The following MACROD1 variants were observed in gnomAD, a reference collection of about 807,000 sequenced individuals.
MACROD1 encodes ADP-ribose glycohydrolase MACROD1.
A neutral mutation model predicts 41.4 loss-of-function variants in MACROD1; 31 were observed. The ratio of observed to expected loss-of-function variants is 0.75; its 90% confidence interval spans 0.56 to 1.01. The LOEUF (loss-of-function observed/expected upper bound fraction) is 1.01. Ranked by LOEUF, MACROD1 falls within the 50% of genes least tolerant of loss-of-function variation. The pLI, the probability that MACROD1 is intolerant of heterozygous loss-of-function variation, is 0.00. For synonymous variants in MACROD1, 252 were observed against 203.4 expected (o/e 1.24, Z -2.03); for missense variants, 473 against 460.0 (o/e 1.03, Z -0.26).
chr11:64,108,712 G>T (rs538127470), intron 3 of MACROD1, among the ~76,000 whole-genome samples: 57 of 152,332 alleles, frequency 3.7e-4, no homozygotes, highest in African/African-American at 1.4e-3. Context: ...TGCCTGCACG[G>T]CATTCTCAGT....
At chr11:64,016,781 G>T (rs1943087577) in intron 3 of MACROD1, among the ~76,000 whole-genome samples, 2 of 152,220 alleles carry the variant, frequency 1.3e-5, no homozygotes, top group African/African-American at 4.8e-5. Context: ...GGGAAGTGAG[G>T]GGGAGGTGAG....
At chr11:64,118,289 A>G (rs1945034132) in intron 3 of MACROD1, 2 of 1,557,082 alleles carry the variant, frequency 1.3e-6, no homozygotes, top group Admixed American at 1.8e-5. Flanking sequence ...ACTCCTACAC[A>G]TGATGCCCGC....
Position 64,096,327 on chromosome 11 carries a change from G to T in MACROD1, c.517+54912C>A, listed in dbSNP as rs1944575561. ...GGTTCATCACCCCGAGCTTCCTCTA[G>T]GCTGGACACGGTCCCTAATGGGCAC... On this transcript the variant is annotated intron_variant, in intron 3 of 10. Transcript: ENST00000255681. The surrounding 1 kb of genome is among the most constrained non-coding windows in gnomAD (Gnocchi z 4.6). 6.6e-6 allele frequency among the ~76,000 whole-genome samples: 1 copy of T among 152,220 alleles called. No individual in the cohort carries two copies. Among genetic ancestry groups the T allele is most frequent in the Admixed American group, 6.5e-5 (1 of 15,290 alleles).
intron 3 of MACROD1, among the ~76,000 whole-genome samples, chr11:64,150,748 G>A (rs1389343711): frequency 6.6e-6 from 1 of 152,218 alleles, no homozygotes; most frequent in Non-Finnish European, 1.5e-5. Context: ...CAAGAGGCGA[G>A]CGCAGGAAGC....
chr11:64,010,704 CTGGCATGTTGGT>C (rs1419139269), intron 4 of MACROD1, among the ~76,000 whole-genome samples: 1 of 121,004 alleles, frequency 8.3e-6, no homozygotes, highest in African/African-American at 3.2e-5. Flanking sequence ...GGCATGTTGG[CTGGCATGTTGGT>C]TGGGGTGTTG....
chr11:64,160,713 G>A (rs1945740750), intron 1 of MACROD1, among the ~76,000 whole-genome samples: 1 of 151,992 alleles, frequency 6.6e-6, no homozygotes, highest in Non-Finnish European at 1.5e-5. Context: ...CTACTCAGGA[G>A]GCTGAGGTGG....
intron 3 of MACROD1, among the ~76,000 whole-genome samples, chr11:64,055,368 G>T (rs1943765596): frequency 6.6e-6 from 1 of 152,236 alleles, no homozygotes; most frequent in Admixed American, 6.5e-5. Context: ...TTCTGGGTGG[G>T]TGGAGTTGCC....
chr11:64,072,423 T>A (rs940629346), intron 3 of MACROD1, among the ~76,000 whole-genome samples: 6 of 146,538 alleles, frequency 4.1e-5, no homozygotes, highest in Non-Finnish European at 9.0e-5. Context: ...CCGGCTCATT[T>A]AAAAAAAAAA....
chr11:64,042,114 CGGGAGGGG>C (rs1565205982), intron 3 of MACROD1, among the ~76,000 whole-genome samples: 2 of 152,130 alleles, frequency 1.3e-5, no homozygotes, highest in African/African-American at 2.4e-5. Context: ...TGGGACCAGG[CGGGAGGGG>C]GAGACAGATG....
At chr11:64,101,609 C>T (rs1411809240) in intron 3 of MACROD1, among the ~76,000 whole-genome samples, 2 of 152,178 alleles carry the variant, frequency 1.3e-5, no homozygotes, top group Non-Finnish European at 1.5e-5. Context: ...TTCCATCTCT[C>T]GCTTTCATGG....
At chr11:64,159,091 G>A (rs1945712647) in intron 1 of MACROD1, among the ~76,000 whole-genome samples, 1 of 152,106 alleles carries the variant, frequency 6.6e-6, no homozygotes, top group Non-Finnish European at 1.5e-5. Flanking sequence ...GGAGGCTGAG[G>A]CAGGTGGATC....
At chr11:64,028,920 G>C (rs182218274) in intron 3 of MACROD1, among the ~76,000 whole-genome samples, 1 of 152,258 alleles carries the variant, frequency 6.6e-6, no homozygotes, top group Admixed American at 6.5e-5. Flanking sequence ...GAGCACCTAG[G>C]CCAGCAGGCG....
chr11:64,088,976 G>C (rs577772386), intron 3 of MACROD1, among the ~76,000 whole-genome samples: 101 of 152,296 alleles, frequency 6.6e-4, no homozygotes, highest in African/African-American at 2.3e-3. Flanking sequence ...AGGAGGCAGA[G>C]GTTACCAGAC....
At chr11:64,075,522 G>A (rs1290759842) in intron 3 of MACROD1, among the ~76,000 whole-genome samples, 2 of 152,240 alleles carry the variant, frequency 1.3e-5, no homozygotes, top group Admixed American at 6.5e-5. Context: ...GGCTCAAACC[G>A]AGGGAACAGG....
intron 3 of MACROD1, chr11:64,118,257 G>A (rs780458547): frequency 5.6e-6 from 9 of 1,598,306 alleles, no homozygotes; most frequent in South Asian, 2.2e-5. Flanking sequence ...CTACCGGGAC[G>A]GCGGCATCCC....
intron 3 of MACROD1, among the ~76,000 whole-genome samples, chr11:64,043,689 T>C (rs1448505800): frequency 6.6e-6 from 1 of 152,192 alleles, no homozygotes; most frequent in Non-Finnish European, 1.5e-5. Flanking sequence ...TAGAGCACCA[T>C]GCTAAGGACT....
At chr11:64,003,914 T>C (rs755063945) in intron 4 of MACROD1, among the ~76,000 whole-genome samples, 1 of 152,200 alleles carries the variant, frequency 6.6e-6, no homozygotes, top group Non-Finnish European at 1.5e-5. Context: ...CCACTGTCTT[T>C]CTGGACGGTT....
intron 3 of MACROD1, among the ~76,000 whole-genome samples, chr11:64,113,498 TTGGA>T (rs1386202949): frequency 4.3e-5 from 5 of 117,094 alleles, no homozygotes; most frequent in African/African-American, 1.7e-4. Context: ...GGATGGATGG[TTGGA>T]TGGATGGATA....
At chr11:64,011,970 C>T (rs983710178) in intron 4 of MACROD1, among the ~76,000 whole-genome samples, 1 of 152,092 alleles carries the variant, frequency 6.6e-6, no homozygotes, top group African/African-American at 2.4e-5. Flanking sequence ...ATTCCAGCCC[C>T]AGCATCGTCC....
Sources: allele counts gnomAD v4.1 joint callset (sites outside exome capture counted in the v4.1 genomes callset), GRCh38; gene constraint gnomAD v4.1.1; non-coding constraint Gnocchi (gnomAD v3.1); transcripts MANE v1.5; gene names NCBI Gene and HGNC (gene_info 2026-07-23, HGNC 2026-07-21).